The following ITGA8 variants were observed in gnomAD, a reference collection of about 807,000 sequenced individuals.
ITGA8 encodes integrin alpha-8.
ITGA8 carries 91 observed loss-of-function variants against 142.3 expected under a neutral mutation model. The observed-to-expected ratio is 0.64, with a 90% CI of 0.54 to 0.76. The LOEUF is 0.76. ITGA8 is among the 30% of genes least tolerant of loss of function. The probability of loss-of-function intolerance (pLI) is 0.00; values close to 1 mark genes in which losing one functional copy is unlikely to be tolerated. For missense variants in ITGA8, 1,406 were observed against 1,327.7 expected, an observed-to-expected ratio of 1.06 and a Z score of -0.92; for synonymous variants, 505 against 485.2, an observed-to-expected ratio of 1.04 and a Z score of -0.54.
At chr10:15,623,717 A>G (rs922916279) in intron 13 of ITGA8, among the ~76,000 whole-genome samples, 2 of 152,142 alleles carry the variant, frequency 1.3e-5, no homozygotes, top group Non-Finnish European at 2.9e-5. Context: ...ATAAATAAAT[A>G]AAGATACATT....
intron 20 of ITGA8, among the ~76,000 whole-genome samples, chr10:15,601,047 C>G (rs954982896): frequency 5.3e-5 from 8 of 152,096 alleles, no homozygotes; most frequent in Non-Finnish European, 8.8e-5. Flanking sequence ...CAAGACCAGT[C>G]TAGCCAATAT....
chr10:15,578,815 G>A lies in ITGA8; in HGVS notation c.2373-3221C>T, dbSNP rs116919909. 9.2e-3 allele frequency among the ~76,000 whole-genome samples: 1,398 copies of A among 152,134 alleles called. 17 individuals carry two copies. Among genetic ancestry groups the A allele is most frequent in the Non-Finnish European group, 0.017 (1,145 of 67,934 alleles). On this transcript the variant is annotated intron_variant, in intron 23 of 29. Coordinates refer to ENST00000378076, the MANE Select transcript of ITGA8 (RefSeq NM_003638.3). ...ACCACTCTTCATGGACTCAGTGTATGTGGTGCTGTCTCTTGTGGCCAAGTT... is the reference window on the plus strand; with the variant it reads ...ACCACTCTTCATGGACTCAGTGTATATGGTGCTGTCTCTTGTGGCCAAGTT...
At chr10:15,716,229 G>T (rs1835448722) in intron 2 of ITGA8, among the ~76,000 whole-genome samples, 1 of 151,912 alleles carries the variant, frequency 6.6e-6, no homozygotes, top group African/African-American at 2.4e-5. Context: ...CTCTCACTTT[G>T]TTCCATTTGT....
chr10:15,573,109 T>C (rs558150158), intron 24 of ITGA8, among the ~76,000 whole-genome samples: 1 of 152,354 alleles, frequency 6.6e-6, no homozygotes, highest in Admixed American at 6.5e-5. Context: ...ATTACAGTGA[T>C]CTATAAAACA....
At chr10:15,679,364 C>A (rs925497689) in intron 4 of ITGA8, among the ~76,000 whole-genome samples, 3 of 152,176 alleles carry the variant, frequency 2.0e-5, no homozygotes, top group Non-Finnish European at 2.9e-5. Flanking sequence ...GTGCGCAGAT[C>A]ATGAGGTCAA....
chr10:15,558,922 C>G (rs1443106320), intron 25 of ITGA8, among the ~76,000 whole-genome samples: 1 of 152,128 alleles, frequency 6.6e-6, no homozygotes, highest in African/African-American at 2.4e-5. Flanking sequence ...CATTAACATT[C>G]TTTATTTTAG....
chr10:15,607,416 A>C (rs1294208799), intron 17 of ITGA8, among the ~76,000 whole-genome samples: 1 of 152,168 alleles, frequency 6.6e-6, no homozygotes, highest in Non-Finnish European at 1.5e-5. Flanking sequence ...TAGAAATGAA[A>C]ACCATGTGAG....
intron 8 of ITGA8, among the ~76,000 whole-genome samples, chr10:15,668,669 T>C (rs1834445956): frequency 6.6e-6 from 1 of 152,166 alleles, no homozygotes; most frequent in South Asian, 2.1e-4. Flanking sequence ...GGTTGTTCCT[T>C]TCCATGTTTA....
intron 26 of ITGA8, among the ~76,000 whole-genome samples, chr10:15,555,897 C>T (rs1046896293): frequency 6.6e-6 from 1 of 151,480 alleles, no homozygotes; most frequent in Non-Finnish European, 1.5e-5. Flanking sequence ...CGGGGTTTCA[C>T]CACGCTAACC....
At chr10:15,635,215 C>G (rs564630209) in intron 13 of ITGA8, among the ~76,000 whole-genome samples, 1 of 151,914 alleles carries the variant, frequency 6.6e-6, no homozygotes, top group Admixed American at 6.6e-5. Context: ...CCATGTTGGC[C>G]AGGATGGTCT....
At chr10:15,657,525 T>TTTTTTTTTTTTTTTC (rs1834208886) in intron 10 of ITGA8, among the ~76,000 whole-genome samples, 1 of 147,056 alleles carries the variant, frequency 6.8e-6, no homozygotes. Flanking sequence ...TTTTTTTTTT[T>TTTTTTTTTTTTTTTC]TTTTTTAACA....
chr10:15,626,753 A>G (rs1682359258), intron 13 of ITGA8, among the ~76,000 whole-genome samples: 1 of 152,194 alleles, frequency 6.6e-6, no homozygotes, highest in African/African-American at 2.4e-5. Context: ...AGACACAGAC[A>G]TATGCACAGA....
chr10:15,586,267 T>G (rs1231647888), intron 23 of ITGA8, among the ~76,000 whole-genome samples: 3 of 151,860 alleles, frequency 2.0e-5, no homozygotes, highest in Admixed American at 6.6e-5. Context: ...CGATGTTGGC[T>G]AGGCTGGTCT....
intron 4 of ITGA8, among the ~76,000 whole-genome samples, chr10:15,683,436 T>C (rs1834779304): frequency 6.6e-6 from 1 of 152,166 alleles, no homozygotes. Flanking sequence ...CTTTAAAGAC[T>C]GCTTGGCTGC....
intron 13 of ITGA8, among the ~76,000 whole-genome samples, chr10:15,636,923 T>C (rs751897682): frequency 3.9e-5 from 6 of 152,116 alleles, no homozygotes; most frequent in Admixed American, 6.6e-5. Flanking sequence ...GGCGGGTGGA[T>C]CACTTGAGGT....
intron 13 of ITGA8, among the ~76,000 whole-genome samples, chr10:15,627,423 G>T (rs1193120951): frequency 2.0e-5 from 3 of 152,152 alleles, no homozygotes; most frequent in Non-Finnish European, 4.4e-5. Context: ...TCTGGCTTAC[G>T]CTGGCTATCT....
intron 8 of ITGA8, among the ~76,000 whole-genome samples, chr10:15,663,062 A>C (rs1371082029): frequency 6.6e-6 from 1 of 152,210 alleles, no homozygotes; most frequent in Non-Finnish European, 1.5e-5. Context: ...AGGCCTATGC[A>C]TGTCCCACCT....
chr10:15,530,066 C>T (rs1037374), intron 28 of ITGA8, among the ~76,000 whole-genome samples: 146,768 of 152,270 alleles, frequency 0.96, 70,951 homozygotes, highest in Non-Finnish European at 1. Context: ...GAGCACTATG[C>T]TTTTCAAAAG....
At chr10:15,661,143 A>T (rs973778657) in intron 8 of ITGA8, among the ~76,000 whole-genome samples, 3 of 152,164 alleles carry the variant, frequency 2.0e-5, no homozygotes, top group Non-Finnish European at 4.4e-5. Context: ...GCGAGCCAGA[A>T]CGAAGCTTCA....
Sources: allele counts gnomAD v4.1 joint callset (sites outside exome capture counted in the v4.1 genomes callset), GRCh38; gene constraint gnomAD v4.1.1; transcripts MANE v1.5; gene names NCBI Gene and HGNC (gene_info 2026-07-23, HGNC 2026-07-21).